PCDHA6: variants seen among roughly 807,000 people sequenced by gnomAD.
PCDHA6 encodes protocadherin alpha-6.
In PCDHA6, 55 loss-of-function variants were observed where a neutral mutation model predicts 60.3. The observed-to-expected ratio is 0.91, with a 90% CI of 0.73 to 1.14. PCDHA6 has a LOEUF of 1.14. PCDHA6 is among the 50% of genes most tolerant of loss of function. PCDHA6 has a pLI of 0.00. For missense variants in PCDHA6, 1,327 were observed against 1,256.5 expected (o/e 1.06, Z -0.85); for synonymous variants, 652 against 557.9 (o/e 1.17, Z -2.38).
intron 3 of PCDHA6, among the ~76,000 whole-genome samples, chr5:141,003,222 G>A (rs1221950770): frequency 2.6e-5 from 4 of 152,224 alleles, no homozygotes; most frequent in Non-Finnish European, 4.4e-5. Flanking sequence ...CATGAAAGAG[G>A]AAAGCTGGAA....
At chr5:140,957,490 G>T (rs921873894) in intron 1 of PCDHA6, among the ~76,000 whole-genome samples, 1 of 152,130 alleles carries the variant, frequency 6.6e-6, no homozygotes, top group South Asian at 2.1e-4. Context: ...CATAGTATAT[G>T]TAGAATTCAG....
rs1554130972 is a variant in PCDHA6, at chr5:140,828,025, G to A, written c.-67G>A. ...CAGAAGAAATGGATTAATAAATTCC[G>A]GAACATACAGTATTTTATCTTTATG... On this transcript the variant is annotated 5_prime_UTR_variant, in exon 1 of 4. Coordinates refer to ENST00000529310, the MANE Select transcript of PCDHA6 (RefSeq NM_018909.4). 6.6e-7 allele frequency: 1 copy of A among 1,517,138 alleles called. No homozygotes were observed. Among genetic ancestry groups the A allele is most frequent in the African/African-American group, 1.4e-5 (1 of 71,684 alleles). The allele number at this position is 1,517,138 out of a possible 1,614,324, so 94.0% of individuals were successfully genotyped here.
chr5:140,988,059 T>C (rs1587274242), intron 3 of PCDHA6, among the ~76,000 whole-genome samples: 1 of 152,324 alleles, frequency 6.6e-6, no homozygotes, highest in East Asian at 1.9e-4. Flanking sequence ...ACTGTCAACA[T>C]GAATTTTTCT....
chr5:140,943,090 C>G (rs554425182), intron 1 of PCDHA6, among the ~76,000 whole-genome samples: 3 of 151,542 alleles, frequency 2.0e-5, no homozygotes, highest in African/African-American at 7.3e-5. Context: ...AATCCTGCCT[C>G]TACTAAAAAA....
intron 1 of PCDHA6, chr5:140,853,286 T>G: frequency 2.0e-6 from 2 of 981,814 alleles, no homozygotes; most frequent in Non-Finnish European, 2.5e-6. Flanking sequence ...CATATGCAAA[T>G]TCTCAGAAGG....
intron 1 of PCDHA6, chr5:140,835,500 A>C: frequency 6.2e-7 from 1 of 1,613,942 alleles, no homozygotes; most frequent in Non-Finnish European, 8.5e-7. Flanking sequence ...CACATTGATT[A>C]GCGTGTTTGA....
intron 1 of PCDHA6, chr5:140,870,349 A>G (rs1554164130): frequency 6.2e-7 from 1 of 1,614,154 alleles, no homozygotes; most frequent in Non-Finnish European, 8.5e-7. Context: ...GGACCGCGAG[A>G]ACGTGTGGGC....
intron 1 of PCDHA6, among the ~76,000 whole-genome samples, chr5:140,957,274 C>A (rs1251520860): frequency 6.6e-6 from 1 of 152,104 alleles, no homozygotes; most frequent in South Asian, 2.1e-4. Context: ...ACTAGTCCCC[C>A]CTTACCTGCA....
chr5:140,947,625 T>C (rs2094153389), intron 1 of PCDHA6, among the ~76,000 whole-genome samples: 1 of 151,648 alleles, frequency 6.6e-6, no homozygotes, highest in Non-Finnish European at 1.5e-5. Context: ...CAATATTGAG[T>C]CATCAGATCG....
At chr5:140,917,637 A>T (rs1257346290) in intron 1 of PCDHA6, among the ~76,000 whole-genome samples, 1 of 152,192 alleles carries the variant, frequency 6.6e-6, no homozygotes, top group Non-Finnish European at 1.5e-5. Context: ...TTAGCTAGTT[A>T]TCCCAGCAAT....
chr5:140,895,253 C>CT (rs1411327383), intron 1 of PCDHA6, among the ~76,000 whole-genome samples: 1 of 151,966 alleles, frequency 6.6e-6, no homozygotes. Context: ...TCAAAGCTTT[C>CT]TTTTTTTTCT....
intron 1 of PCDHA6, chr5:140,841,780 G>T: frequency 6.2e-7 from 1 of 1,613,894 alleles, no homozygotes; most frequent in South Asian, 1.1e-5. Flanking sequence ...CTCGGTTTCC[G>T]CTAGAGGGCG....
At position 140,842,761 on chromosome 5, in the gene PCDHA6, A is replaced by G. The variant is rs200442158; in HGVS notation, c.2394+12276A>G. ...GCCACATCTTCACGGTGTCTGCGCG[A>G]GACGCGGACGCGCAGGAGAACGCGC... On this transcript the variant is annotated intron_variant, in intron 1 of 3. Coordinates refer to ENST00000529310, the MANE Select transcript of PCDHA6 (RefSeq NM_018909.4). 1.6e-5 allele frequency: 26 copies of G among 1,594,610 alleles called. 2 individuals are homozygous for G. The highest frequency in any genetic ancestry group is 4.5e-5 in the East Asian group (2 of 44,836).
intron 1 of PCDHA6, chr5:140,836,425 G>A (rs2150260582): frequency 1.2e-6 from 2 of 1,613,790 alleles, no homozygotes; most frequent in Admixed American, 1.7e-5. Flanking sequence ...GCGTCGTCGC[G>A]GGCATCGTTG....
chr5:140,867,560 C>A (rs1352328708), intron 1 of PCDHA6: 1 of 152,070 alleles, frequency 6.6e-6, no homozygotes, highest in African/African-American at 2.4e-5. Context: ...CATATGATAA[C>A]TTTTTCATAT....
rs143264790 is a variant in PCDHA6 at position 140,829,783 on chromosome 5, G to A, written c.1692G>A (p.Ala564=). 692 of 1,613,800 alleles carry A rather than the reference G, an allele frequency of 4.3e-4. 1 individual carries two copies. Among genetic ancestry groups the A allele is most frequent in the Non-Finnish European group, 5.5e-4 (653 of 1,179,870 alleles). The part of the protein sequence containing the change: ...FVLDENDNAP[A]LLAPRVGGTG... ...TGGACGAGAACGACAACGCGCCGGC[G>A]CTGCTGGCGCCTCGGGTGGGTGGTA... The change falls in exon 1 of 4, where the codon GCG becomes GCA. Residue 564 remains alanine (A), a synonymous_variant. Transcript: ENST00000529310.
chr5:140,946,080 A>T lies in PCDHA6; in HGVS notation c.2395-32869A>T, dbSNP rs74501731. ...GGGAGAAAATATTTGCAAACCACAG[A>T]TCTGATAAGGAGTTAACATACCAAA... On this transcript the variant is annotated intron_variant, in intron 1 of 3. Coordinates refer to ENST00000529310, the MANE Select transcript of PCDHA6 (RefSeq NM_018909.4). Among the ~76,000 whole-genome samples, 867 of 152,226 alleles carry T rather than the reference A, an allele frequency of 5.7e-3. 6 individuals carry two copies. Among genetic ancestry groups the T allele is most frequent in the African/African-American group, 0.02 (843 of 41,572 alleles).
chr5:140,919,957 G>GC (rs2079372992), intron 1 of PCDHA6, among the ~76,000 whole-genome samples: 1 of 148,640 alleles, frequency 6.7e-6, no homozygotes, highest in Non-Finnish European at 1.5e-5. Flanking sequence ...AGTTTGTTTT[G>GC]TTTTTTAAAT....
rs782046977 is a variant in PCDHA6 at position 140,968,811 on chromosome 5, A to T, written c.2395-10138A>T. The T allele has an allele frequency of 5.0e-6, 8 of 1,614,086 alleles. No homozygotes were observed. The African/African-American group carries it at 6.7e-5, about 13-fold the overall frequency. The stretch of plus-strand genomic sequence containing the variant: ...GTGGCCATTACAGTAGCTGTGGTGG[A>T]TAGGGTTTCCAAAATCCTCCCTGAC... On this transcript the variant is annotated intron_variant, in intron 1 of 3. Coordinates refer to ENST00000529310, the MANE Select transcript of PCDHA6 (RefSeq NM_018909.4).
Sources: allele counts gnomAD v4.1 joint callset (sites outside exome capture counted in the v4.1 genomes callset), GRCh38; gene constraint gnomAD v4.1.1; transcripts MANE v1.5; gene names NCBI Gene and HGNC (gene_info 2026-07-23, HGNC 2026-07-21).